Variants in MAP2K2 observed in about 807,000 individuals in gnomAD.
MAP2K2 encodes mitogen-activated protein kinase kinase 2, also known as dual specificity mitogen-activated protein kinase kinase 2.
Under a neutral mutation model 43.7 loss-of-function variants are expected in MAP2K2, and 24 were observed. The ratio of observed to expected loss-of-function variants is 0.55; its 90% confidence interval spans 0.40 to 0.77. The LOEUF (loss-of-function observed/expected upper bound fraction) is 0.77. Among genes scored for constraint, MAP2K2 ranks in the 30% least tolerant of loss-of-function variants. MAP2K2 has a pLI of 0.00. For missense variants in MAP2K2, 470 were observed against 566.8 expected (o/e 0.83, Z 1.73); for synonymous variants, 244 against 239.7 (o/e 1.02, Z -0.17).
chr19:4,123,617 G>GCCCCA (rs1568266709), intron 1 of MAP2K2, among the ~76,000 whole-genome samples, 167 bp downstream of exon 1: 108 of 28,258 alleles, frequency 3.8e-3, no homozygotes, highest in Admixed American at 0.025. Context: ...CCCCTGCCCT[G>GCCCCA]TCCTCCCCTC....
chr19:4,114,886 T>C (rs545039665), intron 2 of MAP2K2, among the ~76,000 whole-genome samples: 124 of 152,182 alleles, frequency 8.1e-4, no homozygotes, highest in Admixed American at 1.3e-3. Flanking sequence ...GCCGAGATTG[T>C]GCCACTGCAC....
In MAP2K2 at chr19:4,090,605, G is replaced by A. The variant is rs912154933; in HGVS notation, c.1196C>T (p.Ala399Val). ...CAGGGAGCCCGGCCACTGTCACACGGCGGTGCGCGTGGGTGTGCCGGGCTG... is the reference window on the plus strand; with the variant it reads ...CAGGGAGCCCGGCCACTGTCACACGACGGTGCGCGTGGGTGTGCCGGGCTG... ...LNQPGTPTRT[A>V]V Residue 399 changes from alanine to valine, a missense_variant, in exon 11 of 11, where the codon GCC becomes GTC. Around this residue, in one of 3 missense-constraint regions of MAP2K2, gnomAD observed 212 missense variants for 220.8 expected, o/e 0.96. Transcript: ENST00000262948. The A allele has an allele frequency of 1.3e-6, 2 of 1,550,826 alleles. No individual in the cohort carries two copies.
intron 3 of MAP2K2, chr19:4,104,651 C>G (rs147221533): frequency 1.8e-4 from 28 of 152,252 alleles, no homozygotes; most frequent in Non-Finnish European, 2.9e-4. Context: ...CCCTGCTCCC[C>G]AGCACAGCTC....
chr19:4,102,583 C>T (rs1002099119), intron 3 of MAP2K2, 130 bp from the exon 4 acceptor site: 7 of 915,884 alleles, frequency 7.6e-6, no homozygotes, highest in African/African-American at 3.3e-5. Flanking sequence ...CCCAACTCCA[C>T]CCACGGGCCA....
chr19:4,117,387 C>G, intron 2 of MAP2K2, 32 bp downstream of exon 2: 2 of 1,598,936 alleles, frequency 1.3e-6, no homozygotes, highest in Non-Finnish European at 1.7e-6. Flanking sequence ...TTCCCCACCA[C>G]TCCCCGACCT....
chr19:4,100,904 A>G, intron 6 of MAP2K2, 115 bp downstream of exon 6: 1 of 1,219,818 alleles, frequency 8.2e-7, no homozygotes, highest in Admixed American at 2.1e-5. Flanking sequence ...ACAGCTGCGC[A>G]GGAGACATGG....
Position 4,096,446 on chromosome 19 carries a change from G to A in MAP2K2, c.984+833C>T, listed in dbSNP as rs115475140. Among the ~76,000 whole-genome samples the A allele has an allele frequency of 4.5e-3, 689 of 152,330 alleles. 5 individuals carry two copies. Among genetic ancestry groups the A allele is most frequent in the African/African-American group, 0.016 (667 of 41,572 alleles). On this transcript the variant is annotated intron_variant, in intron 8 of 10. Coordinates refer to ENST00000262948, the MANE Select transcript of MAP2K2 (RefSeq NM_030662.4). ...CAGGGAGGTGGCCCGGCCTGGTCAC[G>A]TGGCCAACAGGACCTTGGGGTGCAG...
chr19:4,114,215 T>A (rs2041191715), intron 2 of MAP2K2, among the ~76,000 whole-genome samples: 1 of 152,178 alleles, frequency 6.6e-6, no homozygotes, highest in South Asian at 2.1e-4. Context: ...CCCCGGCAGC[T>A]GCTCCCAAGT....
chr19:4,123,055 A>C (rs1255881772), intron 1 of MAP2K2, among the ~76,000 whole-genome samples: 9 of 142,242 alleles, frequency 6.3e-5, no homozygotes, highest in Non-Finnish European at 1.4e-4. Flanking sequence ...CGATTTCCCT[A>C]CTCAGGGTCT....
intron 2 of MAP2K2, among the ~76,000 whole-genome samples, chr19:4,111,380 C>T (rs2041152096): frequency 6.6e-6 from 1 of 152,124 alleles, no homozygotes; most frequent in Non-Finnish European, 1.5e-5. Context: ...AGCATTTTTC[C>T]CCATCAAATC....
intron 2 of MAP2K2, among the ~76,000 whole-genome samples, chr19:4,116,572 A>G (rs997106948): frequency 1.3e-5 from 2 of 152,086 alleles, no homozygotes; most frequent in Non-Finnish European, 2.9e-5. Context: ...TACACTGAGA[A>G]ATCCCTCTCT....
rs575285559 is a variant in MAP2K2 at position 4,110,556 on chromosome 19, C to T, written c.403G>A (p.Gly135Arg). 18 of 1,613,996 alleles carry T rather than the reference C, an allele frequency of 1.1e-5. No homozygotes were observed. Among genetic ancestry groups the T allele is most frequent in the South Asian group, 5.5e-5 (5 of 91,088 alleles). The part of the protein sequence containing the change: ...CNSPYIVGFY[G>R]AFYSDGEISI... ...ATCTCCCCGTCACTGTAGAAGGCCC[C>T]GTAGAAGCCCACGATGTACGGCGAG... Residue 135 changes from glycine (G) to arginine (R), a missense_variant, in exon 3 of 11, where the codon GGG becomes AGG. By Grantham distance (125) the Gly-to-Arg change is moderately radical. Around this residue, in one of 3 missense-constraint regions of MAP2K2, gnomAD observed 200 missense variants for 297.9 expected, o/e 0.67. Coordinates refer to ENST00000262948, the MANE Select transcript of MAP2K2 (RefSeq NM_030662.4).
At chr19:4,094,231 C>T (rs770291142) in intron 10 of MAP2K2, among the ~76,000 whole-genome samples, 2 of 152,158 alleles carry the variant, frequency 1.3e-5, no homozygotes, top group South Asian at 2.1e-4. Flanking sequence ...GCTGTTCCCA[C>T]GCACACACCC....
intron 2 of MAP2K2, among the ~76,000 whole-genome samples, chr19:4,112,230 C>A (rs541673485): frequency 4.7e-4 from 71 of 152,362 alleles, no homozygotes; most frequent in Middle Eastern, 3.4e-3. Context: ...GAGACAGCTC[C>A]TTCCTGGAGG....
At chr19:4,110,426 G>A (rs1472951938) in intron 3 of MAP2K2, 83 bp downstream of exon 3, 1 of 1,554,700 alleles carries the variant, frequency 6.4e-7, no homozygotes, top group South Asian at 1.1e-5. Context: ...CTGAGGAAAG[G>A]GGCCGTGAGG....
rs1312290110 is a variant in MAP2K2, at chr19:4,090,335, C to G, written c.*263G>C. On this transcript the variant is annotated 3_prime_UTR_variant, in exon 11 of 11. Transcript: ENST00000262948. ...GGATGGCGCGGTTTGCTTTTTCTCT[C>G]CCTGTTTTGTTTTGTAACCTAAGGA... 1 of 583,708 alleles carries G rather than the reference C, an allele frequency of 1.7e-6. No individual in the cohort carries two copies. The highest frequency in any genetic ancestry group is 3.1e-6 in the Non-Finnish European group (1 of 325,862). The allele number at this position is 583,708 out of a possible 1,614,324, so 36.2% of individuals were successfully genotyped here. A position where few individuals can be genotyped will look rare whatever the true frequency, so the allele number is the denominator to read the frequency against.
chr19:4,110,429 C>T (rs1016057134), intron 3 of MAP2K2, 80 bp downstream of exon 3: 4 of 1,565,758 alleles, frequency 2.6e-6, no homozygotes, highest in Non-Finnish European at 3.5e-6. Context: ...AGGAAAGGGG[C>T]CGTGAGGGGG....
At position 4,115,826 on chromosome 19, in the gene MAP2K2, G is replaced by A. The variant is rs566570489; in HGVS notation, c.303+1593C>T. ...TGGTGGGCTTCCAGGAAGAGGCAGC[G>A]TTCTAGGTCTGAAAGAACACCGGTG... On this transcript the variant is annotated intron_variant, in intron 2 of 10. Transcript: ENST00000262948. The surrounding 1 kb of genome is among the most constrained non-coding windows in gnomAD (Gnocchi z 4.1). Among the ~76,000 whole-genome samples, 8 of 152,318 alleles carry A rather than the reference G, an allele frequency of 5.3e-5. No homozygotes were observed. In the South Asian group the frequency reaches 1.0e-3, roughly 20 times the overall value.
intron 10 of MAP2K2, 66 bp from the exon 11 acceptor site, chr19:4,090,774 T>A: frequency 9.2e-7 from 1 of 1,084,276 alleles, no homozygotes; most frequent in Non-Finnish European, 1.4e-6. Flanking sequence ...AGGGCCAGCG[T>A]CTGCCCAGCC....
Sources: gnomAD v4.1 joint callset for allele counts (sites outside exome capture counted in the v4.1 genomes callset) on GRCh38, gnomAD v4.1.1 for gene constraint, gnomAD v4.1.1 regional missense constraint, Gnocchi (gnomAD v3.1) non-coding constraint, MANE v1.5 for transcripts, NCBI Gene and HGNC (gene_info 2026-07-23, HGNC 2026-07-21) for gene names.